Variants in PDE7B observed in about 807,000 individuals in gnomAD.
The protein encoded by PDE7B is phosphodiesterase 7B, also known as 3',5'-cyclic-AMP phosphodiesterase 7B.
A neutral mutation model predicts 56.2 loss-of-function variants in PDE7B; 29 were observed. The observed-to-expected ratio is 0.52, with a 90% CI of 0.38 to 0.70. The LOEUF is 0.70. Ranked by LOEUF, PDE7B falls within the 30% of genes least tolerant of loss-of-function variation. The pLI is 0.00. For missense variants in PDE7B, 490 were observed against 565.0 expected, an observed-to-expected ratio of 0.87 and a Z score of 1.35; for synonymous variants, 197 against 196.9, an observed-to-expected ratio of 1.00 and a Z score of 0.00.
At chr6:136,055,361 C>T (rs961810338) in intron 2 of PDE7B, among the ~76,000 whole-genome samples, 1 of 152,186 alleles carries the variant, frequency 6.6e-6, no homozygotes, top group Non-Finnish European at 1.5e-5. Flanking sequence ...TTCTTTACTT[C>T]TACTTTTTAA....
At chr6:136,052,509 A>G (rs1776647085) in intron 2 of PDE7B, among the ~76,000 whole-genome samples, 1 of 152,086 alleles carries the variant, frequency 6.6e-6, no homozygotes, top group South Asian at 2.1e-4. Flanking sequence ...GAGGAGTTCC[A>G]ACTGGGGCCC....
Position 136,058,983 on chromosome 6 carries a change from A to C in PDE7B, c.83-49748A>C, listed in dbSNP as rs374775831. On this transcript the variant is annotated intron_variant, in intron 2 of 12. Transcript: ENST00000308191. The stretch of plus-strand genomic sequence containing the variant: ...GGATTAGAGAGTCAGCAACTTAAAT[A>C]CACATAATCCATGATTATGTCTTTT... 2.6e-4 allele frequency among the ~76,000 whole-genome samples: 40 copies of C among 152,316 alleles called. 1 individual carries two copies. The South Asian group carries it at 8.1e-3, about 31-fold the overall frequency.
At chr6:136,135,373 C>A (rs1263264939) in intron 3 of PDE7B, among the ~76,000 whole-genome samples, 1 of 151,746 alleles carries the variant, frequency 6.6e-6, no homozygotes, top group Non-Finnish European at 1.5e-5. Context: ...CTAATAGTTA[C>A]AACTCATCTT....
intron 3 of PDE7B, among the ~76,000 whole-genome samples, chr6:136,124,873 G>A (rs1333514441): frequency 2.0e-5 from 3 of 152,138 alleles, no homozygotes; most frequent in Non-Finnish European, 4.4e-5. Context: ...ATTGTGTGAA[G>A]TTTTTCCAAG....
At chr6:136,071,295 C>T (rs1777046318) in intron 2 of PDE7B, 2 of 152,140 alleles carry the variant, frequency 1.3e-5, no homozygotes, top group African/African-American at 4.8e-5. Context: ...AGTTTAACAA[C>T]CTAATAAATA....
intron 1 of PDE7B, among the ~76,000 whole-genome samples, chr6:135,876,206 C>A (rs1388875617): frequency 6.6e-6 from 1 of 152,130 alleles, no homozygotes; most frequent in African/African-American, 2.4e-5. Context: ...AGCAGGAAGG[C>A]CTCAGCTGTA....
At chr6:136,176,063 C>T (rs559727305) in intron 9 of PDE7B, among the ~76,000 whole-genome samples, 8 of 152,002 alleles carry the variant, frequency 5.3e-5, no homozygotes, top group African/African-American at 1.4e-4. Flanking sequence ...TGAAATTTTT[C>T]GTATATTTGC....
intron 2 of PDE7B, among the ~76,000 whole-genome samples, chr6:136,002,543 T>G (rs566078429): frequency 6.6e-6 from 1 of 151,614 alleles, no homozygotes; most frequent in East Asian, 1.9e-4. Flanking sequence ...AAGGCAGGGG[T>G]TGCAATCCTA....
chr6:136,028,651 A>G (rs1003314503), intron 2 of PDE7B, among the ~76,000 whole-genome samples: 2 of 152,140 alleles, frequency 1.3e-5, no homozygotes, highest in Non-Finnish European at 2.9e-5. Flanking sequence ...AAAGTCACCA[A>G]TGACCAGCTA....
chr6:135,874,662 T>TA (rs1212988537), intron 1 of PDE7B, among the ~76,000 whole-genome samples: 1 of 152,196 alleles, frequency 6.6e-6, no homozygotes, highest in African/African-American at 2.4e-5. Flanking sequence ...ATTTTTATTT[T>TA]AAAAAATCCA....
intron 2 of PDE7B, among the ~76,000 whole-genome samples, chr6:135,995,721 G>A (rs4612181): frequency 0.31 from 46,749 of 152,064 alleles, 7,979 homozygotes; most frequent in Admixed American, 0.43. Context: ...GGATACCAGC[G>A]CAAAGCCTTG....
At chr6:136,099,817 C>T (rs1562492809) in intron 2 of PDE7B, among the ~76,000 whole-genome samples, 1 of 152,096 alleles carries the variant, frequency 6.6e-6, no homozygotes, top group Admixed American at 6.5e-5. Flanking sequence ...TTTGCCATTG[C>T]TTTTGGTGTT....
chr6:135,896,369 C>T (rs183879243), intron 1 of PDE7B, among the ~76,000 whole-genome samples: 11 of 152,186 alleles, frequency 7.2e-5, no homozygotes, highest in Admixed American at 5.2e-4. Flanking sequence ...CTACTCCAAC[C>T]CATAGTTGCC....
intron 2 of PDE7B, among the ~76,000 whole-genome samples, chr6:136,055,865 T>C (rs943811064): frequency 2.0e-5 from 3 of 152,200 alleles, no homozygotes; most frequent in Non-Finnish European, 4.4e-5. Flanking sequence ...AACAAGGTTC[T>C]TGCTCCTTTG....
chr6:136,104,798 C>G (rs998559232), intron 2 of PDE7B, among the ~76,000 whole-genome samples: 20 of 152,190 alleles, frequency 1.3e-4, no homozygotes, highest in Admixed American at 1.2e-3. Flanking sequence ...AACATGATTT[C>G]ATCCTTTTGA....
At chr6:136,092,836 GATAA>G (rs896989151) in intron 2 of PDE7B, among the ~76,000 whole-genome samples, 6 of 152,124 alleles carry the variant, frequency 3.9e-5, no homozygotes, top group Non-Finnish European at 7.4e-5. Flanking sequence ...TCTCAGACAG[GATAA>G]ATAAATTCAG....
chr6:135,893,776 T>A (rs912709293), intron 1 of PDE7B, among the ~76,000 whole-genome samples: 3 of 152,192 alleles, frequency 2.0e-5, no homozygotes, highest in Non-Finnish European at 4.4e-5. Context: ...ACTCTCTGAA[T>A]TGATAATCAC....
chr6:135,894,049 T>G (rs1775855588), intron 1 of PDE7B, among the ~76,000 whole-genome samples: 1 of 152,146 alleles, frequency 6.6e-6, no homozygotes, highest in Admixed American at 6.5e-5. Context: ...AGGTGATAGG[T>G]GATGCCAGTT....
At chr6:135,943,617 T>C (rs1774543878) in intron 1 of PDE7B, among the ~76,000 whole-genome samples, 1 of 152,222 alleles carries the variant, frequency 6.6e-6, no homozygotes, top group Non-Finnish European at 1.5e-5. Context: ...TCTACTCTGC[T>C]AAAAGAGTAC....
Sources: gnomAD v4.1 joint callset for allele counts (sites outside exome capture counted in the v4.1 genomes callset) on GRCh38, gnomAD v4.1.1 for gene constraint, MANE v1.5 for transcripts, NCBI Gene and HGNC (gene_info 2026-07-23, HGNC 2026-07-21) for gene names.